Variants in SPSB1 observed in about 807,000 individuals in gnomAD.
The protein encoded by SPSB1 is splA/ryanodine receptor domain and SOCS box containing 1.
A neutral mutation model predicts 21.2 loss-of-function variants in SPSB1; 8 were observed. The ratio of observed to expected loss-of-function variants is 0.38; its 90% CI spans 0.22 to 0.68. The LOEUF (loss-of-function observed/expected upper bound fraction) is 0.68. Among genes scored for constraint, SPSB1 ranks in the 30% least tolerant of loss-of-function variants. SPSB1 has a pLI of 0.53. For synonymous variants in SPSB1, 169 were observed against 161.7 expected, an observed-to-expected ratio of 1.05 and a Z score of -0.34; for missense variants, 242 against 377.8, an observed-to-expected ratio of 0.64 and a Z score of 2.98.
At chr1:9,327,476 C>G (rs1639835495) in intron 1 of SPSB1, among the ~76,000 whole-genome samples, 1 of 152,032 alleles carries the variant, frequency 6.6e-6, no homozygotes, top group Non-Finnish European at 1.5e-5. Flanking sequence ...AAAGGCTGTG[C>G]CATGGGGAAT....
At chr1:9,296,374 C>T (rs1639226053) in intron 1 of SPSB1, among the ~76,000 whole-genome samples, 1 of 152,204 alleles carries the variant, frequency 6.6e-6, no homozygotes, top group African/African-American at 2.4e-5. Context: ...AGCCCTTCAC[C>T]AGTAAGTTTG....
At chr1:9,325,083 T>TG (rs1639793021) in intron 1 of SPSB1, among the ~76,000 whole-genome samples, 1 of 152,206 alleles carries the variant, frequency 6.6e-6, no homozygotes, top group Non-Finnish European at 1.5e-5. Flanking sequence ...CGCTGGAAGC[T>TG]GGGACTCCAG....
chr1:9,361,933 C>G (rs1027184114), intron 2 of SPSB1, among the ~76,000 whole-genome samples: 7 of 152,246 alleles, frequency 4.6e-5, no homozygotes, highest in African/African-American at 1.7e-4. Flanking sequence ...GGCTCTACCC[C>G]CACTGCTTTA....
At chr1:9,355,113 G>T (rs1174118634) in intron 1 of SPSB1, among the ~76,000 whole-genome samples, 2 of 152,246 alleles carry the variant, frequency 1.3e-5, no homozygotes, top group African/African-American at 4.8e-5. Flanking sequence ...CCCTTGAGAA[G>T]AATGTAGCTG....
Position 9,356,294 on chromosome 1 carries a change from A to G in SPSB1, c.403A>G (p.Asn135Asp). ...TGTCGGGTACACAACCCTCGTGGGG[A>G]ATAACCACGAGTCCTGGGGCTGGGA... ...HSVGYTTLVG[N>D]NHESWGWDLG... is the part of the protein sequence containing the mutation. Residue 135 changes from asparagine to aspartate, a missense_variant, in exon 2 of 3, where the codon AAT (asparagine) becomes GAT (aspartate). Transcript: ENST00000328089. The surrounding 1 kb of genome is among the most constrained non-coding windows in gnomAD (Gnocchi z 7.4). 5.6e-6 allele frequency: 9 copies of G among 1,613,618 alleles called. No individual in the cohort carries two copies. The highest frequency in any genetic ancestry group is 7.6e-6 in the Non-Finnish European group (9 of 1,180,024).
chr1:9,309,888 G>C (rs1021370083), intron 1 of SPSB1, among the ~76,000 whole-genome samples: 4 of 152,038 alleles, frequency 2.6e-5, no homozygotes, highest in African/African-American at 9.7e-5. Flanking sequence ...GGTAACTGGG[G>C]GCCCTGACCA....
At chr1:9,300,075 C>T (rs930627846) in intron 1 of SPSB1, among the ~76,000 whole-genome samples, 3 of 151,764 alleles carry the variant, frequency 2.0e-5, no homozygotes, top group Non-Finnish European at 4.4e-5. Flanking sequence ...ATTGGTAGGA[C>T]ATTTACATGT....
At chr1:9,315,342 G>A (rs1639595892) in intron 1 of SPSB1, among the ~76,000 whole-genome samples, 1 of 152,240 alleles carries the variant, frequency 6.6e-6, no homozygotes, top group Admixed American at 6.5e-5. Context: ...CCCACAGGAA[G>A]GCATCGCAGC....
chr1:9,330,946 A>G (rs1425260587), intron 1 of SPSB1, among the ~76,000 whole-genome samples: 1 of 148,808 alleles, frequency 6.7e-6, no homozygotes, highest in African/African-American at 2.5e-5. Flanking sequence ...TTTTTTTTTT[A>G]CATACTTAAA....
chr1:9,367,437 T>C lies in SPSB1; in HGVS notation c.695-11T>C, dbSNP rs1640593634. 1.9e-6 allele frequency: 3 copies of C among 1,613,210 alleles called. No individual in the cohort carries two copies. In the South Asian group the frequency reaches 3.3e-5, roughly 18 times the overall value. On this transcript the variant is annotated splice_polypyrimidine_tract_variant and intron_variant, in intron 2 of 2. Transcript: ENST00000328089. The surrounding 1 kb of genome is among the most constrained non-coding windows in gnomAD (Gnocchi z 5.9). The stretch of plus-strand genomic sequence containing the variant: ...AAGCTGCGCTGACCTGCAGTTTCTC[T>C]GTCTCCCCAGCCGAGCCGCTGCCGC...
chr1:9,303,431 A>G (rs1241936834), intron 1 of SPSB1, among the ~76,000 whole-genome samples: 1 of 152,366 alleles, frequency 6.6e-6, no homozygotes, highest in African/African-American at 2.4e-5. Context: ...TACAGAAACA[A>G]GGGCCAGAAT....
intron 1 of SPSB1, among the ~76,000 whole-genome samples, chr1:9,340,947 GGC>G (rs1320131940): frequency 6.6e-6 from 1 of 152,176 alleles, no homozygotes; most frequent in Non-Finnish European, 1.5e-5. Context: ...TAGCTCAAAA[GGC>G]CAGTCCTGGG....
intron 2 of SPSB1, among the ~76,000 whole-genome samples, chr1:9,362,817 C>A (rs1640502416): frequency 6.6e-6 from 1 of 152,266 alleles, no homozygotes; most frequent in African/African-American, 2.4e-5. Context: ...CTTCTGCTCC[C>A]AGAAATAGCG....
intron 1 of SPSB1, among the ~76,000 whole-genome samples, chr1:9,320,089 C>A (rs935288262): frequency 6.6e-6 from 1 of 152,162 alleles, no homozygotes; most frequent in Non-Finnish European, 1.5e-5. Context: ...CAGGGCAGGC[C>A]GCCAGGGACC....
chr1:9,316,359 T>TG (rs1048036098), intron 1 of SPSB1, among the ~76,000 whole-genome samples: 4 of 152,122 alleles, frequency 2.6e-5, no homozygotes, highest in African/African-American at 9.7e-5. Flanking sequence ...AGACAGCCCC[T>TG]GGGGCACAAG....
At chr1:9,362,028 G>A (rs1313575826) in intron 2 of SPSB1, among the ~76,000 whole-genome samples, 1 of 152,216 alleles carries the variant, frequency 6.6e-6, no homozygotes, top group Non-Finnish European at 1.5e-5. Context: ...GGTTTGGTGT[G>A]GTTTGTCGTG....
chr1:9,344,587 G>A (rs1181081843), intron 1 of SPSB1, among the ~76,000 whole-genome samples: 2 of 152,194 alleles, frequency 1.3e-5, no homozygotes, highest in African/African-American at 2.4e-5. Context: ...CAGGAGGAGG[G>A]CAGGGAGCAG....
intron 2 of SPSB1, among the ~76,000 whole-genome samples, chr1:9,360,754 C>T (rs1156586006): frequency 6.6e-6 from 1 of 152,208 alleles, no homozygotes; most frequent in Non-Finnish European, 1.5e-5. Context: ...TCCACTATGC[C>T]CTCGTCATAA....
rs1639401368 is a variant in SPSB1, at chr1:9,305,830, TGA to T, written c.-150+12762_-150+12763del. Among the ~76,000 whole-genome samples, 1 of 152,046 alleles carries T rather than the reference TGA, an allele frequency of 6.6e-6. No individual in the cohort carries two copies. Among genetic ancestry groups the T allele is most frequent in the South Asian group, 2.1e-4 (1 of 4,824 alleles). On this transcript the variant is annotated intron_variant, in intron 1 of 2. Coordinates refer to ENST00000328089, the MANE Select transcript of SPSB1 (RefSeq NM_025106.4). This position sits in a 1 kb window ranked among gnomAD's most constrained non-coding sequence, Gnocchi z 4.8. Reference sequence around the variant, plus strand: ...GAGGAAGCTTTCTCTGTCTAGTGGGTGAGACAGGCCCGTCTCTGCTGATGATA... The same window carrying T: ...GAGGAAGCTTTCTCTGTCTAGTGGGTGACAGGCCCGTCTCTGCTGATGATA...
Sources: allele counts gnomAD v4.1 joint callset (sites outside exome capture counted in the v4.1 genomes callset), GRCh38; gene constraint gnomAD v4.1.1; non-coding constraint Gnocchi (gnomAD v3.1); transcripts MANE v1.5; gene names NCBI Gene and HGNC (gene_info 2026-07-23, HGNC 2026-07-21).